Variants in RADIL observed in about 807,000 individuals in gnomAD.
RADIL encodes the protein ras-associating and dilute domain-containing protein.
RADIL carries 99 observed loss-of-function variants against 97.6 expected under a neutral mutation model. That is an observed-to-expected ratio of 1.01 (90% confidence interval 0.86 to 1.20). RADIL has a LOEUF of 1.20. Ranked by LOEUF, RADIL falls within the 50% of genes most tolerant of loss-of-function variation. RADIL has a pLI of 0.00. For missense variants in RADIL, 1,765 were observed against 1,498.9 expected (o/e 1.18, Z -2.93); for synonymous variants, 803 against 691.8 (o/e 1.16, Z -2.52).
chr7:4,874,014 A>G (rs1164174500), intron 2 of RADIL, among the ~76,000 whole-genome samples: 3 of 152,322 alleles, frequency 2.0e-5, no homozygotes, highest in South Asian at 2.1e-4. Flanking sequence ...GCCGGCTGCA[A>G]ACTCACTCAG....
chr7:4,811,633 G>A lies in RADIL; in HGVS notation c.2139+3645C>T, dbSNP rs555038813. The stretch of plus-strand genomic sequence containing the variant: ...CTCCCAAGTAGCTGGGACTACAGGC[G>A]CCCGCCACCGTGCCCGGCTAATTTT... On this transcript the variant is annotated intron_variant, in intron 9 of 14. Transcript: ENST00000399583. Among the ~76,000 whole-genome samples the A allele has an allele frequency of 7.0e-3, 1,063 of 150,802 alleles. 13 individuals are homozygous for A. Among genetic ancestry groups the A allele is most frequent in the African/African-American group, 0.024 (995 of 41,080 alleles).
Position 4,822,343 on chromosome 7 carries a change from TC to T in RADIL, c.1615+50del. Reference sequence around the variant, plus strand: ...CGAGGACGGCGAGGAGATGCCACACTCCCCTGCCTGGGGTGCTGGCGGGGGG... The same window carrying T: ...CGAGGACGGCGAGGAGATGCCACACTCCCTGCCTGGGGTGCTGGCGGGGGG... On this transcript the variant is annotated intron_variant, in intron 6 of 14. Transcript: ENST00000399583. The surrounding 1 kb of genome is among the most constrained non-coding windows in gnomAD (Gnocchi z 5.3). 1 of 1,554,992 alleles carries T rather than the reference TC, an allele frequency of 6.4e-7. No homozygotes were observed. The highest frequency in any genetic ancestry group is 8.7e-7 in the Non-Finnish European group (1 of 1,149,194).
At chr7:4,832,933 G>C (rs1426509408) in intron 4 of RADIL, among the ~76,000 whole-genome samples, 1 of 152,154 alleles carries the variant, frequency 6.6e-6, no homozygotes, top group African/African-American at 2.4e-5. Flanking sequence ...CATGGGATCT[G>C]GACAGCACCC....
In RADIL at chr7:4,802,013, G is replaced by A; in HGVS notation, c.2500-18C>T. On this transcript the variant is annotated intron_variant, in intron 11 of 14. Coordinates refer to ENST00000399583, the MANE Select transcript of RADIL (RefSeq NM_018059.5). ...TGCATACCCTAGGGAGAGGAAGGGT[G>A]ACAGCTCAGGTAGAGGAGTGGCCAG... is the stretch of plus-strand genomic sequence containing the variant. The A allele has an allele frequency of 6.8e-7, 1 of 1,477,714 alleles. No individual in the cohort carries two copies. The highest frequency in any genetic ancestry group is 9.0e-7 in the Non-Finnish European group (1 of 1,113,244). 91.5% of individuals were successfully genotyped at this position (1,477,714 alleles called of 1,614,324 possible). A position where few individuals can be genotyped will look rare whatever the true frequency, so the allele number is the denominator to read the frequency against.
chr7:4,836,470 T>C lies in RADIL; in HGVS notation c.671A>G (p.Asn224Ser). 2 of 1,605,996 alleles carry C rather than the reference T, an allele frequency of 1.2e-6. No individual in the cohort carries two copies. The highest frequency in any genetic ancestry group is 1.7e-6 in the Non-Finnish European group (2 of 1,176,914). The change falls in exon 3 of 15, where the codon AAC becomes AGC. Residue 224 changes from asparagine to serine, a missense_variant. Transcript: ENST00000399583. The stretch of plus-strand genomic sequence containing the variant: ...GCCCTGGGCGGCAGCGGGCAGGGCG[T>C]TCACTGGGCTCAGGCTGGTCTCACT... The part of the protein sequence containing the change: ...TVSETSLSPV[N>S]ALPAAAQGPE...
chr7:4,817,281 C>A lies in RADIL; in HGVS notation c.1686G>T (p.Val562=). 1 of 1,612,770 alleles carries A rather than the reference C, an allele frequency of 6.2e-7. No individual in the cohort carries two copies. The highest frequency in any genetic ancestry group is 8.5e-7 in the Non-Finnish European group (1 of 1,179,788). ...CGCACTGCTGGAAGGCGTACAGCAC[C>A]ACCTCCTCCAGCACCGCCATGGCCT... ...SEEAMAVLEE[V]VLYAFQQCVY... The change falls in exon 7 of 15, where the codon GTG becomes GTT. Residue 562 remains valine, a synonymous_variant. Coordinates refer to ENST00000399583, the MANE Select transcript of RADIL (RefSeq NM_018059.5). This position sits in a 1 kb window ranked among gnomAD's most constrained non-coding sequence, Gnocchi z 8.3.
At chr7:4,812,918 A>G (rs910573573) in intron 9 of RADIL, among the ~76,000 whole-genome samples, 21 of 152,308 alleles carry the variant, frequency 1.4e-4, no homozygotes, top group African/African-American at 5.1e-4. Flanking sequence ...ATATAAGGCT[A>G]TAACTTTTCC....
chr7:4,858,431 A>C (rs1175604516), intron 2 of RADIL: 1 of 152,508 alleles, frequency 6.6e-6, no homozygotes, highest in Non-Finnish European at 1.5e-5. Flanking sequence ...TTTTTAACTT[A>C]AAGTATTGCT....
chr7:4,829,347 TG>T (rs1276169666), intron 5 of RADIL, among the ~76,000 whole-genome samples: 1 of 152,140 alleles, frequency 6.6e-6, no homozygotes, highest in African/African-American at 2.4e-5. Flanking sequence ...GACCTGGCTC[TG>T]GGGAGCGGGT....
rs376457876 is a variant in RADIL at position 4,873,896 on chromosome 7, G to A, written c.535+3709C>T. Among the ~76,000 whole-genome samples, 3 of 152,298 alleles carry A rather than the reference G, an allele frequency of 2.0e-5. No homozygotes were observed. Among genetic ancestry groups the A allele is most frequent in the African/African-American group, 7.2e-5 (3 of 41,566 alleles). ...CAACCTGAGGCAGGCTGGCGCCCAC[G>A]GCTGCTGGAGAAGCTGCTACAGTGA... On this transcript the variant is annotated intron_variant, in intron 2 of 14. Coordinates refer to ENST00000399583, the MANE Select transcript of RADIL (RefSeq NM_018059.5). The surrounding 1 kb of genome is among the most constrained non-coding windows in gnomAD (Gnocchi z 4.3).
intron 10 of RADIL, 153 bp downstream of exon 10, chr7:4,805,409 CGGGG>C (rs34277804): frequency 2.1e-5 from 10 of 477,532 alleles, no homozygotes; most frequent in South Asian, 1.5e-4. Context: ...TGGGGCGGGG[CGGGG>C]GGGTCCTCTG....
At position 4,837,710 on chromosome 7, in the gene RADIL, C is replaced by T. The variant is rs935630179; in HGVS notation, c.536-1105G>A. 9 of 500,784 alleles carry T rather than the reference C, an allele frequency of 1.8e-5. No homozygotes were observed. The highest frequency in any genetic ancestry group is 8.4e-5 in the African/African-American group (4 of 47,426). The allele number at this position is 500,784 out of a possible 1,614,324, so 31.0% of individuals were successfully genotyped here. On this transcript the variant is annotated intron_variant, in intron 2 of 14. Coordinates refer to ENST00000399583, the MANE Select transcript of RADIL (RefSeq NM_018059.5). This position sits in a 1 kb window ranked among gnomAD's most constrained non-coding sequence, Gnocchi z 5.6. ...TAACACATACATGCACACAAACATG[C>T]GCACAGTTCAGAGATAACACACACC...
At chr7:4,877,556 T>C (rs1042101323) in intron 2 of RADIL, 49 bp downstream of exon 2, 58 of 1,539,518 alleles carry the variant, frequency 3.8e-5, no homozygotes, top group Non-Finnish European at 4.9e-5. Flanking sequence ...CGGCTGGCCT[T>C]CTCAGCGCTC....
chr7:4,868,308 C>T (rs983809935), intron 2 of RADIL, among the ~76,000 whole-genome samples: 25 of 152,190 alleles, frequency 1.6e-4, no homozygotes, highest in Admixed American at 1.4e-3. Flanking sequence ...GTGATCCGCC[C>T]GCCTCGGCCT....
At chr7:4,827,436 G>A (rs1472862968) in intron 5 of RADIL, among the ~76,000 whole-genome samples, 1 of 151,246 alleles carries the variant, frequency 6.6e-6, no homozygotes, top group African/African-American at 2.4e-5. Context: ...GAGGTGGGCG[G>A]GTCACCAGAG....
In RADIL at chr7:4,819,158, G is replaced by A. The variant is rs1002709888; in HGVS notation, c.1616-1807C>T. ...ACAATCCCAGCTCACTGCAGCCTCAGCTTTCCAGGTTCAAGCGATTCTCCT... is the reference window on the plus strand; with the variant it reads ...ACAATCCCAGCTCACTGCAGCCTCAACTTTCCAGGTTCAAGCGATTCTCCT... On this transcript the variant is annotated intron_variant, in intron 6 of 14. Transcript: ENST00000399583. The surrounding 1 kb of genome is among the most constrained non-coding windows in gnomAD (Gnocchi z 5.8). Among the ~76,000 whole-genome samples the A allele has an allele frequency of 4.6e-5, 7 of 150,888 alleles. No individual in the cohort carries two copies. Among genetic ancestry groups the A allele is most frequent in the African/African-American group, 1.7e-4 (7 of 40,808 alleles).
chr7:4,834,563 C>G lies in RADIL; in HGVS notation c.1416+44G>C. ...GGCCAGCTCCGGGCCCCCTCTTCCCCCAGACCGGCACAGGACCCAGACCGC... is the reference window on the plus strand; with the variant it reads ...GGCCAGCTCCGGGCCCCCTCTTCCCGCAGACCGGCACAGGACCCAGACCGC... On this transcript the variant is annotated intron_variant, in intron 4 of 14. Transcript: ENST00000399583. The surrounding 1 kb of genome is among the most constrained non-coding windows in gnomAD (Gnocchi z 6.0). 7.7e-7 allele frequency: 1 copy of G among 1,303,658 alleles called. No individual in the cohort carries two copies. Among genetic ancestry groups the G allele is most frequent in the Non-Finnish European group, 9.8e-7 (1 of 1,022,608 alleles). 80.8% of individuals were successfully genotyped at this position (1,303,658 alleles called of 1,614,324 possible).
Position 4,815,549 on chromosome 7 carries a change from A to T in RADIL, c.1967-99T>A. 1 of 1,275,510 alleles carries T rather than the reference A, an allele frequency of 7.8e-7. No homozygotes were observed. The highest frequency in any genetic ancestry group is 1.0e-6 in the Non-Finnish European group (1 of 955,040). 79.0% of individuals were successfully genotyped at this position (1,275,510 alleles called of 1,614,324 possible). ...AGCCTGCCCTTCCCGGCTCTGGGCC[A>T]CTGAGGACATCACAGCTCGATGACA... On this transcript the variant is annotated intron_variant, in intron 8 of 14. Transcript: ENST00000399583. The surrounding 1 kb of genome is among the most constrained non-coding windows in gnomAD (Gnocchi z 8.0).
intron 13 of RADIL, 34 bp from the exon 14 acceptor site, chr7:4,799,803 G>A (rs543315517): frequency 1.4e-6 from 2 of 1,470,986 alleles, no homozygotes; most frequent in South Asian, 2.7e-5. Flanking sequence ...AGCTCCGCAG[G>A]CCCGACTGGC....
Sources: allele counts gnomAD v4.1 joint callset (sites outside exome capture counted in the v4.1 genomes callset), GRCh38; gene constraint gnomAD v4.1.1; non-coding constraint Gnocchi (gnomAD v3.1); transcripts MANE v1.5; gene names NCBI Gene and HGNC (gene_info 2026-07-23, HGNC 2026-07-21).